MICU1: variants seen among roughly 807,000 people sequenced by gnomAD.
The protein encoded by MICU1 is mitochondrial calcium uptake 1, also known as calcium uptake protein 1, mitochondrial.
Under a neutral mutation model 56.8 loss-of-function variants are expected in MICU1, and 45 were observed. That is an observed-to-expected ratio of 0.79 (90% confidence interval 0.62 to 1.02). The LOEUF (loss-of-function observed/expected upper bound fraction) is 1.02. Among genes scored for constraint, MICU1 ranks in the 50% least tolerant of loss-of-function variants. The pLI, the probability that MICU1 is intolerant of heterozygous loss-of-function variation, is 0.00. For synonymous variants in MICU1, 186 were observed against 195.1 expected (o/e 0.95, Z 0.39); for missense variants, 504 against 587.1 (o/e 0.86, Z 1.46).
chr10:72,385,212 G>A (rs1029548064), intron 10 of MICU1, among the ~76,000 whole-genome samples: 2 of 152,214 alleles, frequency 1.3e-5, no homozygotes, highest in East Asian at 1.9e-4. Flanking sequence ...CAAGCAGGCC[G>A]GGCACAGTGG....
chr10:72,552,898 T>C (rs1329434710), intron 3 of MICU1, among the ~76,000 whole-genome samples: 1 of 152,194 alleles, frequency 6.6e-6, no homozygotes, highest in Non-Finnish European at 1.5e-5. Flanking sequence ...GAAATTACTA[T>C]AACTGTCAGT....
chr10:72,502,347 G>A (rs1241009845), intron 6 of MICU1, among the ~76,000 whole-genome samples: 1 of 151,890 alleles, frequency 6.6e-6, no homozygotes, highest in Non-Finnish European at 1.5e-5. Flanking sequence ...GTGGAGATGG[G>A]GTTTCGCCAT....
At chr10:72,463,342 C>T (rs937881844) in intron 8 of MICU1, among the ~76,000 whole-genome samples, 14 of 152,186 alleles carry the variant, frequency 9.2e-5, no homozygotes, top group African/African-American at 3.1e-4. Context: ...GGATTACAGG[C>T]ATGAGCCATG....
chr10:72,397,305 C>T (rs1863300302), intron 10 of MICU1, among the ~76,000 whole-genome samples: 1 of 152,172 alleles, frequency 6.6e-6, no homozygotes, highest in African/African-American at 2.4e-5. Context: ...AAAGAAACAA[C>T]CGATACCAGC....
intron 10 of MICU1, among the ~76,000 whole-genome samples, chr10:72,380,761 A>G (rs1450318537): frequency 1.3e-5 from 2 of 152,222 alleles, no homozygotes; most frequent in African/African-American, 2.4e-5. Context: ...CTGGGTCCAC[A>G]TGATCCCTTC....
chr10:72,386,557 A>AT (rs34210330), intron 10 of MICU1, among the ~76,000 whole-genome samples: 60,747 of 120,150 alleles, frequency 0.51, 17,949 homozygotes, highest in Non-Finnish European at 0.68. Context: ...CCCGCCACCT[A>AT]TTTTTTTTTT....
At chr10:72,568,671 G>C (rs1172685755) in intron 1 of MICU1, among the ~76,000 whole-genome samples, 1 of 150,978 alleles carries the variant, frequency 6.6e-6, no homozygotes, top group Non-Finnish European at 1.5e-5. Context: ...AAGCTGCAAA[G>C]ATTTGGGTGT....
chr10:72,395,781 C>T (rs1175005020), intron 10 of MICU1, among the ~76,000 whole-genome samples: 2 of 152,218 alleles, frequency 1.3e-5, no homozygotes, highest in Non-Finnish European at 2.9e-5. Context: ...AGCTGGGAAG[C>T]TCAAACTGGG....
At chr10:72,624,798 G>A (rs1842189791) in intron 1 of MICU1, among the ~76,000 whole-genome samples, 1 of 152,142 alleles carries the variant, frequency 6.6e-6, no homozygotes, top group Admixed American at 6.6e-5. Context: ...GACAAACCAA[G>A]GATTGGGACA....
intron 8 of MICU1, among the ~76,000 whole-genome samples, chr10:72,433,781 A>G (rs16929847): frequency 0.041 from 6,217 of 152,274 alleles, 405 homozygotes; most frequent in African/African-American, 0.14. Context: ...TCATTAGATA[A>G]GAAAGTAATT....
At chr10:72,460,761 A>AT (rs201991719) in intron 8 of MICU1, among the ~76,000 whole-genome samples, 6,899 of 151,318 alleles carry the variant, frequency 0.046, 519 homozygotes, top group African/African-American at 0.16. Flanking sequence ...GGCCAGATCT[A>AT]TTTTTTTTTA....
intron 4 of MICU1, among the ~76,000 whole-genome samples, chr10:72,535,079 G>A (rs528784044): frequency 1.1e-5 from 1 of 90,826 alleles, no homozygotes; most frequent in Non-Finnish European, 2.6e-5. Context: ...ACCCAAGCTG[G>A]AGTGCAGTGG....
At chr10:72,524,962 G>A (rs1422934991) in intron 5 of MICU1, among the ~76,000 whole-genome samples, 3 of 152,024 alleles carry the variant, frequency 2.0e-5, no homozygotes, top group Admixed American at 6.6e-5. Context: ...TCTCATTACT[G>A]TTTCTATATA....
intron 8 of MICU1, among the ~76,000 whole-genome samples, chr10:72,454,782 C>CAAAAAAAAAAAAAAAAAAAAAAAAAAA (rs10591892): frequency 8.4e-6 from 1 of 119,054 alleles, no homozygotes; most frequent in Non-Finnish European, 1.7e-5. Flanking sequence ...AACTCCATCT[C>CAAAAAAAAAAAAAAAAAAAAAAAAAAA]AAAAAAAAAA....
chr10:72,518,467 G>C (rs191037845), intron 5 of MICU1, among the ~76,000 whole-genome samples: 1 of 152,032 alleles, frequency 6.6e-6, no homozygotes, highest in Admixed American at 6.5e-5. Flanking sequence ...TAAACTATAA[G>C]AAAGAAATTT....
chr10:72,489,941 T>G (rs1866598679), intron 6 of MICU1, among the ~76,000 whole-genome samples: 1 of 152,184 alleles, frequency 6.6e-6, no homozygotes, highest in South Asian at 2.1e-4. Context: ...CCGAAATTTC[T>G]TGGAAACAAA....
At chr10:72,564,497 C>T (rs1168920605) in intron 2 of MICU1, among the ~76,000 whole-genome samples, 1 of 147,456 alleles carries the variant, frequency 6.8e-6, no homozygotes, top group East Asian at 2.0e-4. Flanking sequence ...CGAGATTGTA[C>T]CAATGTACTC....
chr10:72,553,919 C>A (rs1840098038), intron 3 of MICU1, among the ~76,000 whole-genome samples: 1 of 152,076 alleles, frequency 6.6e-6, no homozygotes, highest in Admixed American at 6.6e-5. Context: ...CAGAATATAG[C>A]ATCCAAGATA....
At chr10:72,612,817 T>G (rs1311664488) in intron 1 of MICU1, among the ~76,000 whole-genome samples, 1 of 148,708 alleles carries the variant, frequency 6.7e-6, no homozygotes, top group Non-Finnish European at 1.5e-5. Flanking sequence ...AAAAAAAAGT[T>G]GGGATGCATA....
Sources: gnomAD v4.1 joint callset for allele counts (sites outside exome capture counted in the v4.1 genomes callset) on GRCh38, gnomAD v4.1.1 for gene constraint, MANE v1.5 for transcripts, NCBI Gene and HGNC (gene_info 2026-07-23, HGNC 2026-07-21) for gene names.